TBC1D5: variants seen among roughly 807,000 people sequenced by gnomAD.
The protein encoded by TBC1D5 is TBC1 domain family, member 5.
A neutral mutation model predicts 100.3 loss-of-function variants in TBC1D5; 75 were observed. The observed-to-expected ratio is 0.75, with a 90% CI of 0.62 to 0.91. The LOEUF (loss-of-function observed/expected upper bound fraction) is 0.91. Among genes scored for constraint, TBC1D5 ranks in the 40% least tolerant of loss-of-function variants. The pLI is 0.00. For synonymous variants in TBC1D5, 323 were observed against 325.6 expected (o/e 0.99, Z 0.09); for missense variants, 910 against 942.4 (o/e 0.97, Z 0.45).
chr3:17,412,861 T>C (rs34073532), intron 4 of TBC1D5, among the ~76,000 whole-genome samples: 9,940 of 152,178 alleles, frequency 0.065, 631 homozygotes, highest in African/African-American at 0.17. Flanking sequence ...GGAAACATGA[T>C]TCTCCAGACA....
chr3:17,472,145 C>CT (rs1205250326), intron 3 of TBC1D5, among the ~76,000 whole-genome samples: 3,430 of 137,392 alleles, frequency 0.025, 117 homozygotes, highest in African/African-American at 0.079. Flanking sequence ...TTTTTTTTTT[C>CT]TTTTTTTTTT....
intron 18 of TBC1D5, among the ~76,000 whole-genome samples, chr3:17,206,341 T>G (rs1055758449): frequency 2.0e-5 from 3 of 152,176 alleles, no homozygotes; most frequent in African/African-American, 7.2e-5. Flanking sequence ...CCCTTCCAAT[T>G]TCACTCTAAG....
chr3:17,256,885 T>C (rs2077745606), intron 16 of TBC1D5, among the ~76,000 whole-genome samples: 1 of 152,100 alleles, frequency 6.6e-6, no homozygotes. Flanking sequence ...CTTTAAATCA[T>C]GAAGAGGCAT....
In TBC1D5 at chr3:17,508,468, A is replaced by G. The variant is rs1156905900; in HGVS notation, c.97+6T>C. 2 of 1,610,568 alleles carry G rather than the reference A, an allele frequency of 1.2e-6. No homozygotes were observed. The highest frequency in any genetic ancestry group is 1.7e-6 in the Non-Finnish European group (2 of 1,177,356). ...CCTACAAATAGTATTGGCATACAAA[A>G]CTCACCTCCAGACTTGTTAGAGTAA... On this transcript the variant is annotated splice_donor_region_variant and intron_variant, in intron 3 of 21. Coordinates refer to ENST00000253692, the Ensembl canonical transcript of TBC1D5.
At chr3:17,559,594 A>AT (rs35500376) in intron 2 of TBC1D5, among the ~76,000 whole-genome samples, 45,960 of 147,334 alleles carry the variant, frequency 0.31, 7,198 homozygotes, top group Middle Eastern at 0.39. Flanking sequence ...CAAATCTAGA[A>AT]TTTTTTTTTT....
rs190605725 is a variant in TBC1D5 at position 17,267,389 on chromosome 3, G to A, written c.1246-8798C>T. ...TTTTTCCTTCTTCAATGTCAGTAAT[G>A]GTGGGGGTGGGAGAGATTTACTTCA... is the stretch of plus-strand genomic sequence containing the variant. On this transcript the variant is annotated intron_variant, in intron 15 of 21. Transcript: ENST00000253692. Among the ~76,000 whole-genome samples the A allele has an allele frequency of 2.5e-3, 380 of 151,990 alleles. 2 individuals are homozygous for A. The highest frequency in any genetic ancestry group is 8.7e-3 in the African/African-American group (360 of 41,456).
intron 14 of TBC1D5, among the ~76,000 whole-genome samples, chr3:17,307,319 G>T (rs2083496377): frequency 6.6e-6 from 1 of 152,046 alleles, no homozygotes; most frequent in African/African-American, 2.4e-5. Flanking sequence ...GTGAACTTTT[G>T]ATTACTTCTC....
chr3:17,411,281 G>C (rs1026254935), intron 4 of TBC1D5, among the ~76,000 whole-genome samples: 3 of 151,846 alleles, frequency 2.0e-5, no homozygotes, highest in African/African-American at 7.3e-5. Flanking sequence ...ATACTTAATA[G>C]ATGACAGTAT....
intron 4 of TBC1D5, 33 bp from the exon 5 acceptor site, chr3:17,406,559 T>C: frequency 6.4e-7 from 1 of 1,574,484 alleles, no homozygotes; most frequent in Non-Finnish European, 8.7e-7. Context: ...TGAGAATCCT[T>C]TTGTTAAAAT....
Position 17,368,755 on chromosome 3 carries a change from ATTTGT to A in TBC1D5, c.995+3315_995+3319del, listed in dbSNP as rs551867595. ...TTGAAACATTTTACTTTACAAAAAA[ATTTGT>A]TTTGTTTGAAAATTAAAATTCTATA... On this transcript the variant is annotated intron_variant, in intron 13 of 21. Coordinates refer to ENST00000253692, the Ensembl canonical transcript of TBC1D5. Among the ~76,000 whole-genome samples, 15 of 151,938 alleles carry A rather than the reference ATTTGT, an allele frequency of 9.9e-5. No homozygotes were observed. The South Asian group carries it at 3.1e-3, about 31-fold the overall frequency.
intron 13 of TBC1D5, among the ~76,000 whole-genome samples, chr3:17,347,719 A>C (rs1018906427): frequency 7.2e-5 from 11 of 152,170 alleles, no homozygotes; most frequent in African/African-American, 2.7e-4. Context: ...AATCTAAATT[A>C]TCCCTTGGGA....
intron 15 of TBC1D5, among the ~76,000 whole-genome samples, chr3:17,260,381 A>C (rs1638907190): frequency 6.6e-6 from 1 of 152,234 alleles, no homozygotes; most frequent in Non-Finnish European, 1.5e-5. Flanking sequence ...CAAGCAATTC[A>C]AGACACAGAG....
chr3:17,350,892 C>G (rs1409299446), intron 13 of TBC1D5, among the ~76,000 whole-genome samples: 1 of 152,104 alleles, frequency 6.6e-6, no homozygotes, highest in Admixed American at 6.6e-5. Flanking sequence ...TACAATCATG[C>G]AGTAACACCA....
chr3:17,523,686 T>G (rs1287673174), intron 2 of TBC1D5, among the ~76,000 whole-genome samples: 1 of 152,208 alleles, frequency 6.6e-6, no homozygotes, highest in Non-Finnish European at 1.5e-5. Flanking sequence ...TCGTATGAAA[T>G]GCAAATTATT....
At chr3:17,391,366 G>C (rs557919012) in intron 8 of TBC1D5, among the ~76,000 whole-genome samples, 1 of 152,100 alleles carries the variant, frequency 6.6e-6, no homozygotes, top group African/African-American at 2.4e-5. Context: ...AACGTTTGCA[G>C]CTCCAGTAAC....
At chr3:17,685,717 T>TTA (rs900913640) in intron 1 of TBC1D5, among the ~76,000 whole-genome samples, 1 of 152,088 alleles carries the variant, frequency 6.6e-6, no homozygotes, top group African/African-American at 2.4e-5. Flanking sequence ...TGCCTTGATA[T>TTA]TATATATATC....
intron 2 of TBC1D5, among the ~76,000 whole-genome samples, chr3:17,616,375 G>A (rs892643521): frequency 6.6e-6 from 1 of 151,814 alleles, no homozygotes; most frequent in African/African-American, 2.4e-5. Flanking sequence ...TTGAGTTGGG[G>A]TGGAGACTTC....
intron 1 of TBC1D5, among the ~76,000 whole-genome samples, chr3:17,631,971 A>G (rs2063540411): frequency 1.3e-5 from 2 of 152,332 alleles, no homozygotes; most frequent in South Asian, 4.1e-4. Context: ...TCTGACTTTC[A>G]AGTCTTATTA....
At chr3:17,643,985 C>G (rs2064782287) in intron 1 of TBC1D5, 1 of 152,094 alleles carries the variant, frequency 6.6e-6, no homozygotes, top group Non-Finnish European at 1.5e-5. Flanking sequence ...TCTGCCCCTG[C>G]AAATCTGATC....
Sources: allele counts gnomAD v4.1 joint callset (sites outside exome capture counted in the v4.1 genomes callset), GRCh38; gene constraint gnomAD v4.1.1; transcripts MANE v1.5; gene names NCBI Gene and HGNC (gene_info 2026-07-23, HGNC 2026-07-21).